Variants in NIBAN1 observed in about 807,000 individuals in gnomAD.
The protein encoded by NIBAN1 is protein Niban 1.
Under a neutral mutation model 75.1 loss-of-function variants are expected in NIBAN1, and 81 were observed. The ratio of observed to expected loss-of-function variants is 1.08; its 90% CI spans 0.90 to 1.30. The LOEUF is 1.30. Among genes scored for constraint, NIBAN1 ranks in the 50% most tolerant of loss-of-function variants. The probability of loss-of-function intolerance (pLI) is 0.00; values close to 1 mark genes in which losing one functional copy is unlikely to be tolerated. For synonymous variants in NIBAN1, 436 were observed against 424.8 expected (o/e 1.03, Z -0.32); for missense variants, 1,133 against 1,128.1 (o/e 1.00, Z -0.06).
chr1:184,932,912 C>T (rs536549666), intron 1 of NIBAN1, among the ~76,000 whole-genome samples: 44 of 152,214 alleles, frequency 2.9e-4, no homozygotes, highest in African/African-American at 1.0e-3. Context: ...GCCTACAACC[C>T]TTCTGACAAA....
At position 184,899,218 on chromosome 1, in the gene NIBAN1, T is replaced by C. The variant is rs1656881675; in HGVS notation, c.147A>G (p.Glu49=). 3 of 1,613,992 alleles carry C rather than the reference T, an allele frequency of 1.9e-6. No homozygotes were observed. The highest frequency in any genetic ancestry group is 2.5e-6 in the Non-Finnish European group (3 of 1,179,876). ...ACTGTGACGTTAAATCTCTTTGCTG[T>C]TCTACTTCAGTGCGCACGTGATTGC... The part of the protein sequence containing the change: ...AFCNHVRTEV[E]QQRDLTSQFL... Residue 49 remains glutamate, a synonymous_variant, in exon 2 of 14, where the codon GAA becomes GAG. Coordinates refer to ENST00000367511, the MANE Select transcript of NIBAN1 (RefSeq NM_052966.4).
intron 9 of NIBAN1, among the ~76,000 whole-genome samples, chr1:184,811,503 T>TTTTTTTTTTGG (rs1553215632): frequency 3.0e-5 from 1 of 33,116 alleles, no homozygotes; most frequent in Non-Finnish European, 7.3e-5. Context: ...CTTTCTTCCT[T>TTTTTTTTTTGG]TTTTTTTTTG....
chr1:184,859,494 T>C (rs571537860), intron 5 of NIBAN1, among the ~76,000 whole-genome samples: 1 of 152,290 alleles, frequency 6.6e-6, no homozygotes, highest in South Asian at 2.1e-4. Flanking sequence ...ATTTGATACC[T>C]CTGCTTTCCG....
chr1:184,893,466 C>T (rs1656723620), intron 3 of NIBAN1, among the ~76,000 whole-genome samples: 1 of 151,998 alleles, frequency 6.6e-6, no homozygotes. Flanking sequence ...ACTTTCTCCA[C>T]ATTTTACAGA....
At chr1:184,798,267 A>G (rs2102180023) in intron 12 of NIBAN1, 77 bp from the exon 13 acceptor site, 1 of 834,504 alleles carries the variant, frequency 1.2e-6, no homozygotes, top group South Asian at 1.8e-5. Flanking sequence ...AGAAAGGACG[A>G]TTCCCACTCA....
At chr1:184,926,430 G>C (rs1657687592) in intron 1 of NIBAN1, among the ~76,000 whole-genome samples, 1 of 152,100 alleles carries the variant, frequency 6.6e-6, no homozygotes, top group Non-Finnish European at 1.5e-5. Flanking sequence ...TAGAGACGGG[G>C]CTTCACCATG....
intron 1 of NIBAN1, among the ~76,000 whole-genome samples, chr1:184,936,318 C>G (rs1571587476): frequency 6.6e-6 from 1 of 152,252 alleles, no homozygotes; most frequent in East Asian, 1.9e-4. Flanking sequence ...AGGTTTTGAT[C>G]CCCTGGAGAG....
In NIBAN1 at chr1:184,868,113, C is replaced by T. The variant is rs925835296; in HGVS notation, c.601+16520G>A. 4.3e-6 allele frequency: 4 copies of T among 929,124 alleles called. No individual in the cohort carries two copies. In the African/African-American group the frequency reaches 5.3e-5, roughly 12 times the overall value. The allele number at this position is 929,124 out of a possible 1,614,324, so 57.6% of individuals were successfully genotyped here. A position where few individuals can be genotyped will look rare whatever the true frequency, so the allele number is the denominator to read the frequency against. ...GTAAGATGTGAAAATGGGTGCTTTG[C>T]TTTCATTGCTCCTTCCTAACTTCCA... On this transcript the variant is annotated intron_variant, in intron 5 of 13. Transcript: ENST00000367511.
rs397863517 is a variant in NIBAN1 at position 184,806,762 on chromosome 1, C to CTTTT, written c.1336-710_1336-707dup. Among the ~76,000 whole-genome samples the CTTTT allele has an allele frequency of 1.3e-3, 175 of 131,196 alleles. 2 individuals carry two copies. The highest frequency in any genetic ancestry group is 4.7e-3 in the African/African-American group (163 of 34,436). The allele number at this position is 131,196 out of a possible 152,430, so 86.1% of individuals were successfully genotyped here. ...TGGTCCCAAAGCATCCAATATATAC[C>CTTTT]TTTTTTTTTTTTTTTTTTTTTGAGA... On this transcript the variant is annotated intron_variant, in intron 10 of 13. Transcript: ENST00000367511.
intron 1 of NIBAN1, among the ~76,000 whole-genome samples, chr1:184,945,453 C>T (rs1571594806): frequency 6.6e-6 from 1 of 152,158 alleles, no homozygotes; most frequent in East Asian, 1.9e-4. Flanking sequence ...TAGATGGATT[C>T]TGTCATCAGA....
chr1:184,884,672 T>C lies in NIBAN1; in HGVS notation c.562A>G (p.Ser188Gly), dbSNP rs748153622. ...CTGACGCAGTCACTCAGGAGGGCAC[T>C]AAACCTCTTCTGGTCAGCAGCCTCG... ...FHEAADQKRF[S>G]ALLSDCVRHL... is the part of the protein sequence containing the mutation. The change falls in exon 5 of 14, where the codon AGT (serine) becomes GGT (glycine). Residue 188 changes from serine (S) to glycine (G), a missense_variant. Transcript: ENST00000367511. 1.9e-6 allele frequency: 3 copies of C among 1,614,038 alleles called. No individual in the cohort carries two copies. The highest frequency in any genetic ancestry group is 2.2e-5 in the South Asian group (2 of 91,086).
chr1:184,959,490 A>G (rs961724367), intron 1 of NIBAN1, among the ~76,000 whole-genome samples: 1 of 151,850 alleles, frequency 6.6e-6, no homozygotes, highest in East Asian at 1.9e-4. Flanking sequence ...TCCTGAGTCT[A>G]TTTCTATTGA....
chr1:184,940,983 C>T (rs1024932784), intron 1 of NIBAN1, among the ~76,000 whole-genome samples: 2 of 152,330 alleles, frequency 1.3e-5, no homozygotes, highest in East Asian at 1.9e-4. Flanking sequence ...TCCGGACACA[C>T]GTCAGTCTAT....
intron 5 of NIBAN1, among the ~76,000 whole-genome samples, chr1:184,884,274 A>T (rs143553235): frequency 0.015 from 1,830 of 121,706 alleles, 44 homozygotes; most frequent in African/African-American, 0.054. Flanking sequence ...TCTGGGCTGG[A>T]GTGCAGTGGC....
intron 1 of NIBAN1, among the ~76,000 whole-genome samples, chr1:184,911,959 C>A (rs1283519942): frequency 6.6e-6 from 1 of 151,948 alleles, no homozygotes; most frequent in Non-Finnish European, 1.5e-5. Flanking sequence ...TTTGCAACCC[C>A]CTCTACCCTG....
chr1:184,867,427 T>C (rs571997936), intron 5 of NIBAN1, among the ~76,000 whole-genome samples: 8 of 152,300 alleles, frequency 5.3e-5, no homozygotes, highest in Admixed American at 3.9e-4. Context: ...AATACAACTT[T>C]GTGGTAAGGC....
At chr1:184,916,699 CAAAA>C (rs1037624624) in intron 1 of NIBAN1, among the ~76,000 whole-genome samples, 1 of 151,794 alleles carries the variant, frequency 6.6e-6, no homozygotes, top group African/African-American at 2.4e-5. Context: ...TATAATAAGA[CAAAA>C]ATAAATATTT....
chr1:184,823,057 C>T, intron 8 of NIBAN1, 110 bp downstream of exon 8: 2 of 1,324,480 alleles, frequency 1.5e-6, no homozygotes, highest in Non-Finnish European at 2.1e-6. Flanking sequence ...TCACCTCCTC[C>T]CAATTTCTTA....
At chr1:184,818,954 G>A in intron 8 of NIBAN1, 129 bp from the exon 9 acceptor site, 4 of 989,682 alleles carry the variant, frequency 4.0e-6, no homozygotes, top group Non-Finnish European at 5.8e-6. Context: ...AAGAGGCCAT[G>A]ACAGACTAGC....
Sources: gnomAD v4.1 joint callset for allele counts (sites outside exome capture counted in the v4.1 genomes callset) on GRCh38, gnomAD v4.1.1 for gene constraint, MANE v1.5 for transcripts, NCBI Gene and HGNC (gene_info 2026-07-23, HGNC 2026-07-21) for gene names.